The following IMMP2L variants were observed in gnomAD, a reference collection of about 807,000 sequenced individuals.
IMMP2L encodes the protein mitochondrial inner membrane protease subunit 2.
A neutral mutation model predicts 19.3 loss-of-function variants in IMMP2L; 18 were observed. The ratio of observed to expected loss-of-function variants is 0.93; its 90% CI spans 0.64 to 1.38. The LOEUF is 1.38. Among genes scored for constraint, IMMP2L ranks in the 40% most tolerant of loss-of-function variants. IMMP2L has a pLI of 0.00. For synonymous variants in IMMP2L, 76 were observed against 73.0 expected (o/e 1.04, Z -0.21); for missense variants, 233 against 218.2 (o/e 1.07, Z -0.43).
intron 3 of IMMP2L, among the ~76,000 whole-genome samples, chr7:111,205,251 C>T (rs1424148964): frequency 6.6e-6 from 1 of 152,180 alleles, no homozygotes; most frequent in Non-Finnish European, 1.5e-5. Context: ...ATGACTTAAT[C>T]ACTTCCTAAA....
chr7:110,663,278 TATA>T lies in IMMP2L; in HGVS notation c.*321_*323del. 1.5e-5 allele frequency: 3 copies of T among 197,600 alleles called. No homozygotes were observed. The highest frequency in any genetic ancestry group is 3.1e-5 in the Non-Finnish European group (3 of 96,190). The allele number at this position is 197,600 out of a possible 1,614,324, so 12.2% of individuals were successfully genotyped here. On this transcript the variant is annotated 3_prime_UTR_variant, in exon 6 of 6. Transcript: ENST00000405709. ...ACCAAAATCAAAACCCAACAATCAA[TATA>T]ATAAGTATATGTAACAAATAATCTG...
chr7:111,031,058 A>G (rs1790758183), intron 3 of IMMP2L, among the ~76,000 whole-genome samples: 1 of 151,674 alleles, frequency 6.6e-6, no homozygotes, highest in Non-Finnish European at 1.5e-5. Flanking sequence ...GTGATGAATT[A>G]TGGTAGGAGA....
At chr7:110,706,581 T>A in intron 5 of IMMP2L, among the ~76,000 whole-genome samples, 1 of 152,172 alleles carries the variant, frequency 6.6e-6, no homozygotes, top group East Asian at 1.9e-4. Flanking sequence ...CACTGTGGTT[T>A]TGATGTGCAT....
At chr7:110,697,783 G>C (rs1246347176) in intron 5 of IMMP2L, among the ~76,000 whole-genome samples, 2 of 152,108 alleles carry the variant, frequency 1.3e-5, no homozygotes, top group Non-Finnish European at 2.9e-5. Context: ...AACAGAGTGA[G>C]ACCCTATCTC....
At chr7:110,893,449 T>C (rs2129546347) in intron 4 of IMMP2L, among the ~76,000 whole-genome samples, 1 of 152,356 alleles carries the variant, frequency 6.6e-6, no homozygotes, top group East Asian at 1.9e-4. Context: ...GTTCACATTG[T>C]TCAAACCAAA....
chr7:110,737,942 G>A (rs1359638023), intron 5 of IMMP2L, among the ~76,000 whole-genome samples: 4 of 152,122 alleles, frequency 2.6e-5, no homozygotes, highest in Admixed American at 6.5e-5. Flanking sequence ...TGCGTGGCTA[G>A]ACCCAGAAGA....
intron 3 of IMMP2L, among the ~76,000 whole-genome samples, chr7:111,373,672 T>C (rs1329977877): frequency 6.6e-6 from 1 of 151,992 alleles, no homozygotes; most frequent in Non-Finnish European, 1.5e-5. Context: ...GAAAATGCCT[T>C]CAAGGATGGG....
intron 3 of IMMP2L, among the ~76,000 whole-genome samples, chr7:111,271,827 A>G (rs1818504198): frequency 6.6e-6 from 1 of 152,162 alleles, no homozygotes; most frequent in Non-Finnish European, 1.5e-5. Flanking sequence ...TGACACCACC[A>G]TGAAGCAAGT....
At chr7:111,312,024 T>C (rs1158613385) in intron 3 of IMMP2L, among the ~76,000 whole-genome samples, 2 of 152,128 alleles carry the variant, frequency 1.3e-5, no homozygotes, top group Non-Finnish European at 2.9e-5. Context: ...CCTTCACCAA[T>C]GCATTTCTCA....
At chr7:111,525,043 T>C (rs149415970) in intron 1 of IMMP2L, among the ~76,000 whole-genome samples, 2 of 152,246 alleles carry the variant, frequency 1.3e-5, no homozygotes, top group East Asian at 3.9e-4. Context: ...TCTTATCAAG[T>C]TTTTACAGTC....
At chr7:110,742,864 A>T (rs1797077959) in intron 5 of IMMP2L, among the ~76,000 whole-genome samples, 1 of 152,160 alleles carries the variant, frequency 6.6e-6, no homozygotes, top group Non-Finnish European at 1.5e-5. Flanking sequence ...TAACAAATTA[A>T]GTCACATATC....
At chr7:110,930,986 G>A (rs1397223619) in intron 4 of IMMP2L, among the ~76,000 whole-genome samples, 3 of 152,004 alleles carry the variant, frequency 2.0e-5, no homozygotes, top group Admixed American at 6.6e-5. Context: ...ACCCCATTCG[G>A]GCCAGAAAAT....
intron 3 of IMMP2L, among the ~76,000 whole-genome samples, chr7:111,312,291 CATAA>C (rs1823606461): frequency 6.6e-6 from 1 of 152,104 alleles, no homozygotes. Flanking sequence ...AGTTCACTCA[CATAA>C]ATATATTCAT....
chr7:111,368,632 C>A (rs1830004056), intron 3 of IMMP2L, among the ~76,000 whole-genome samples: 2 of 151,838 alleles, frequency 1.3e-5, no homozygotes, highest in South Asian at 4.1e-4. Context: ...TTTTCCCATC[C>A]CAGATACCAG....
At chr7:111,130,346 T>C (rs960634422) in intron 3 of IMMP2L, among the ~76,000 whole-genome samples, 7 of 152,120 alleles carry the variant, frequency 4.6e-5, no homozygotes, top group African/African-American at 1.7e-4. Flanking sequence ...TGGTTGACCT[T>C]AGTAAGCCTT....
At chr7:111,103,794 C>G (rs886434439) in intron 3 of IMMP2L, among the ~76,000 whole-genome samples, 5 of 151,492 alleles carry the variant, frequency 3.3e-5, no homozygotes, top group African/African-American at 4.8e-5. Context: ...CACAACATTC[C>G]TTTCAAGTAG....
At position 111,317,695 on chromosome 7, in the gene IMMP2L, T is replaced by C. The variant is rs374590374; in HGVS notation, c.239+169543A>G. The stretch of plus-strand genomic sequence containing the variant: ...CATTATAAGGCTGCTACAAACAATC[T>C]GTCAGTTTGATTTCACTTGGTTAGT... On this transcript the variant is annotated intron_variant, in intron 3 of 5. Coordinates refer to ENST00000405709, the MANE Select transcript of IMMP2L (RefSeq NM_032549.4). Among the ~76,000 whole-genome samples the C allele has an allele frequency of 1.4e-4, 22 of 152,270 alleles. No individual in the cohort carries two copies. The East Asian group carries it at 2.5e-3, about 17-fold the overall frequency.
At chr7:111,463,202 A>T (rs1212458494) in intron 3 of IMMP2L, among the ~76,000 whole-genome samples, 2 of 151,146 alleles carry the variant, frequency 1.3e-5, no homozygotes, top group Non-Finnish European at 2.9e-5. Flanking sequence ...TGTGTGTCCC[A>T]ATTTCCCCTG....
chr7:110,799,044 T>C (rs1801063169), intron 5 of IMMP2L, among the ~76,000 whole-genome samples: 2 of 151,994 alleles, frequency 1.3e-5, no homozygotes, highest in African/African-American at 4.8e-5. Flanking sequence ...TGTTGTTTTC[T>C]AGTGATTTAC....
Sources: allele counts gnomAD v4.1 joint callset (sites outside exome capture counted in the v4.1 genomes callset), GRCh38; gene constraint gnomAD v4.1.1; transcripts MANE v1.5; gene names NCBI Gene and HGNC (gene_info 2026-07-23, HGNC 2026-07-21).